HTR7: variants seen among roughly 807,000 people sequenced by gnomAD.
HTR7 encodes the protein 5-hydroxytryptamine receptor 7, also known as 5-HT-7.
A neutral mutation model predicts 34.0 loss-of-function variants in HTR7; 16 were observed. The observed-to-expected ratio is 0.47, with a 90% CI of 0.32 to 0.71. HTR7 has a LOEUF of 0.71. Ranked by LOEUF, HTR7 falls within the 30% of genes least tolerant of loss-of-function variation. HTR7 has a pLI of 0.04. For synonymous variants in HTR7, 265 were observed against 260.2 expected, an observed-to-expected ratio of 1.02 and a Z score of -0.18; for missense variants, 504 against 625.5, an observed-to-expected ratio of 0.81 and a Z score of 2.07.
Position 90,841,861 on chromosome 10 carries a change from G to A in HTR7, c.539+15272C>T, listed in dbSNP as rs76851833. Among the ~76,000 whole-genome samples, 896 of 152,198 alleles carry A rather than the reference G, an allele frequency of 5.9e-3. 21 individuals carry two copies. In the East Asian group the frequency reaches 0.059, roughly 10 times the overall value. ...CTAAAAATACAAAAATTAGCCAGGC[G>A]TGATGGTGCACGACTGTAATCGCAG... On this transcript the variant is annotated intron_variant, in intron 1 of 3. Transcript: ENST00000336152.
chr10:90,840,280 A>T lies in HTR7; in HGVS notation c.539+16853T>A, dbSNP rs549082635. Among the ~76,000 whole-genome samples, 31 of 151,970 alleles carry T rather than the reference A, an allele frequency of 2.0e-4. No homozygotes were observed. The East Asian group carries it at 6.0e-3, about 29-fold the overall frequency. On this transcript the variant is annotated intron_variant, in intron 1 of 3. Transcript: ENST00000336152. ...TTAAATCTGTGAAGGACTAGATCTGATAGTCCATAATACCTTAATTGTCAT... is the reference window on the plus strand; with the variant it reads ...TTAAATCTGTGAAGGACTAGATCTGTTAGTCCATAATACCTTAATTGTCAT...
intron 1 of HTR7, among the ~76,000 whole-genome samples, chr10:90,824,333 G>A (rs1846034925): frequency 6.6e-6 from 1 of 152,224 alleles, no homozygotes; most frequent in Non-Finnish European, 1.5e-5. Context: ...ATAACCTCCT[G>A]ACTAAAGAGC....
intron 1 of HTR7, among the ~76,000 whole-genome samples, chr10:90,831,445 A>C (rs1012700923): frequency 6.6e-6 from 1 of 151,978 alleles, no homozygotes; most frequent in Non-Finnish European, 1.5e-5. Flanking sequence ...TTCAGGAGTG[A>C]AGCTGCAAAT....
chr10:90,854,825 T>G (rs184726210), intron 1 of HTR7, among the ~76,000 whole-genome samples: 1 of 152,296 alleles, frequency 6.6e-6, no homozygotes, highest in Admixed American at 6.5e-5. Context: ...GCAACAATAT[T>G]GTAATTAATC....
intron 1 of HTR7, among the ~76,000 whole-genome samples, chr10:90,804,416 C>T (rs996769391): frequency 2.6e-5 from 4 of 152,152 alleles, no homozygotes; most frequent in African/African-American, 4.8e-5. Context: ...GTAACACATG[C>T]CCTCTGGGGT....
chr10:90,800,575 T>G (rs1286912210), intron 1 of HTR7, among the ~76,000 whole-genome samples: 1 of 152,094 alleles, frequency 6.6e-6, no homozygotes, highest in Non-Finnish European at 1.5e-5. Flanking sequence ...GATTAATCAT[T>G]CCTTCACCCC....
chr10:90,792,386 T>C (rs1305314232), intron 1 of HTR7, among the ~76,000 whole-genome samples: 1 of 151,732 alleles, frequency 6.6e-6, no homozygotes, highest in African/African-American at 2.4e-5. Flanking sequence ...TTTGGTTTGG[T>C]TTTTTTTGGC....
At chr10:90,756,593 G>C (rs979860769) in intron 1 of HTR7, among the ~76,000 whole-genome samples, 12 of 152,090 alleles carry the variant, frequency 7.9e-5, no homozygotes, top group Non-Finnish European at 1.5e-4. Flanking sequence ...GAGGGGGGAA[G>C]AAAGCAACAA....
chr10:90,760,407 G>A (rs1375118178), intron 1 of HTR7, among the ~76,000 whole-genome samples: 1 of 152,090 alleles, frequency 6.6e-6, no homozygotes, highest in African/African-American at 2.4e-5. Context: ...CTAGATAAGA[G>A]GAACAAGTTC....
intron 1 of HTR7, among the ~76,000 whole-genome samples, chr10:90,780,120 C>T (rs1427988561): frequency 6.6e-6 from 1 of 152,196 alleles, no homozygotes; most frequent in Non-Finnish European, 1.5e-5. Flanking sequence ...GTGGCTCACA[C>T]CTGAAATCCC....
At chr10:90,845,733 G>A (rs566198093) in intron 1 of HTR7, among the ~76,000 whole-genome samples, 108 of 152,302 alleles carry the variant, frequency 7.1e-4, no homozygotes, top group Non-Finnish European at 1.2e-3. Flanking sequence ...AGTGGTCACC[G>A]CCCTGCATCT....
intron 1 of HTR7, among the ~76,000 whole-genome samples, chr10:90,851,080 G>T (rs1336173308): frequency 6.6e-6 from 1 of 152,038 alleles, no homozygotes; most frequent in African/African-American, 2.4e-5. Flanking sequence ...AATCAATAAA[G>T]CCAGACCTAG....
intron 1 of HTR7, among the ~76,000 whole-genome samples, chr10:90,765,869 T>G (rs1472004982): frequency 6.6e-6 from 1 of 152,220 alleles, no homozygotes; most frequent in Non-Finnish European, 1.5e-5. Context: ...TTCATACCAC[T>G]GTGTTCAGAA....
intron 1 of HTR7, among the ~76,000 whole-genome samples, chr10:90,808,177 A>G (rs1050780021): frequency 6.6e-6 from 1 of 152,148 alleles, no homozygotes; most frequent in African/African-American, 2.4e-5. Context: ...CTTCACCCTT[A>G]GCGGCAAGTC....
At chr10:90,754,539 T>C (rs929843717) in intron 1 of HTR7, among the ~76,000 whole-genome samples, 17 of 152,206 alleles carry the variant, frequency 1.1e-4, no homozygotes, top group African/African-American at 4.1e-4. Flanking sequence ...GTAAAATGCA[T>C]ACGAATGTTA....
chr10:90,838,045 G>A (rs1473675974), intron 1 of HTR7, among the ~76,000 whole-genome samples: 1 of 151,978 alleles, frequency 6.6e-6, no homozygotes, highest in Non-Finnish European at 1.5e-5. Flanking sequence ...TCAAAGCTTG[G>A]TGTTTAAACC....
chr10:90,824,195 T>C (rs1846032913), intron 1 of HTR7, among the ~76,000 whole-genome samples: 1 of 152,226 alleles, frequency 6.6e-6, no homozygotes, highest in Admixed American at 6.5e-5. Flanking sequence ...CACAACAGGA[T>C]AGGGTACCAA....
intron 1 of HTR7, among the ~76,000 whole-genome samples, chr10:90,840,262 T>G (rs529047926): frequency 1.3e-5 from 2 of 151,870 alleles, no homozygotes; most frequent in Non-Finnish European, 1.5e-5. Context: ...ATCTTAAATC[T>G]GTGAAGGACT....
chr10:90,771,415 C>T (rs1845108978), intron 1 of HTR7, among the ~76,000 whole-genome samples: 1 of 152,228 alleles, frequency 6.6e-6, no homozygotes, highest in South Asian at 2.1e-4. Context: ...CACCAGGTTG[C>T]AGGCAAAGAG....
Sources: gnomAD v4.1 joint callset for allele counts (sites outside exome capture counted in the v4.1 genomes callset) on GRCh38, gnomAD v4.1.1 for gene constraint, MANE v1.5 for transcripts, NCBI Gene and HGNC (gene_info 2026-07-23, HGNC 2026-07-21) for gene names.